Variants in PPP1R12A observed in about 807,000 individuals in gnomAD.
PPP1R12A encodes the protein myosin binding subunit.
A neutral mutation model predicts 139.6 loss-of-function variants in PPP1R12A; 19 were observed. The ratio of observed to expected loss-of-function variants is 0.14; its 90% confidence interval spans 0.09 to 0.20. PPP1R12A has a LOEUF of 0.20. Ranked by LOEUF, PPP1R12A falls within the 10% of genes least tolerant of loss-of-function variation. The pLI is 1.00. For missense variants in PPP1R12A, 925 were observed against 1,211.5 expected (o/e 0.76, Z 3.51); for synonymous variants, 427 against 420.6 (o/e 1.02, Z -0.19).
At chr12:79,858,432 T>C (rs1880935101) in intron 2 of PPP1R12A, among the ~76,000 whole-genome samples, 1 of 152,220 alleles carries the variant, frequency 6.6e-6, no homozygotes. Flanking sequence ...TCTCATTTAA[T>C]CTTCACAATC....
At chr12:79,785,395 T>C (rs141682722) in intron 22 of PPP1R12A, among the ~76,000 whole-genome samples, 1 of 152,316 alleles carries the variant, frequency 6.6e-6, no homozygotes, top group African/African-American at 2.4e-5. Context: ...GTAACAAGTT[T>C]AAGTTCAACA....
chr12:79,818,466 C>T (rs538756745), intron 8 of PPP1R12A, among the ~76,000 whole-genome samples: 1 of 152,166 alleles, frequency 6.6e-6, no homozygotes, highest in Admixed American at 6.5e-5. Context: ...TGGTCTTGAA[C>T]TCGTGAGCTT....
At chr12:79,841,472 T>C (rs1878703637) in intron 3 of PPP1R12A, among the ~76,000 whole-genome samples, 1 of 152,202 alleles carries the variant, frequency 6.6e-6, no homozygotes, top group Non-Finnish European at 1.5e-5. Flanking sequence ...CTTGCTTTTT[T>C]TATTGTTAAC....
Position 79,797,312 on chromosome 12 carries a change from T to C in PPP1R12A, c.2175A>G (p.Glu725=). 1 of 1,595,908 alleles carries C rather than the reference T, an allele frequency of 6.3e-7. No individual in the cohort carries two copies. Among genetic ancestry groups the C allele is most frequent in the Non-Finnish European group, 8.5e-7 (1 of 1,169,908 alleles). ...RSTRTREQEN[E]EKEKEEKEKQ... ...TCTCTTTTTCCTCTTTTTCTTTTTC[T>C]TCATTTTCTTGTTCTCTGGTTCGGG... The change falls in exon 16 of 25, where the codon GAA becomes GAG. Residue 725 remains glutamate (E), a synonymous_variant. Coordinates refer to ENST00000450142, the MANE Select transcript of PPP1R12A (RefSeq NM_002480.3).
chr12:79,884,041 A>G (rs1039387680), intron 1 of PPP1R12A, among the ~76,000 whole-genome samples: 5 of 152,204 alleles, frequency 3.3e-5, no homozygotes, highest in African/African-American at 7.2e-5. Flanking sequence ...TGAGTTTAAC[A>G]TAAGAACAAG....
At chr12:79,777,038 TA>T (rs1290069254) in intron 24 of PPP1R12A, 1 of 428,164 alleles carries the variant, frequency 2.3e-6, no homozygotes, top group Non-Finnish European at 3.1e-6. Flanking sequence ...ATAGTAATAT[TA>T]AGTTTATTCA....
intron 2 of PPP1R12A, among the ~76,000 whole-genome samples, chr12:79,846,576 C>T (rs1879425480): frequency 6.6e-6 from 1 of 151,818 alleles, no homozygotes; most frequent in African/African-American, 2.4e-5. Context: ...ACTACAGGCA[C>T]CCGCCACTGC....
intron 5 of PPP1R12A, among the ~76,000 whole-genome samples, chr12:79,825,989 A>G (rs949498243): frequency 6.6e-5 from 10 of 152,186 alleles, no homozygotes; most frequent in Non-Finnish European, 1.2e-4. Context: ...GTCCTTTAGA[A>G]TGCTATAGAC....
At position 79,824,809 on chromosome 12, in the gene PPP1R12A, A is replaced by G. The variant is rs531697412; in HGVS notation, c.793-2619T>C. 1.3e-5 allele frequency among the ~76,000 whole-genome samples: 2 copies of G among 152,318 alleles called. 1 individual carries two copies. Among genetic ancestry groups the G allele is most frequent in the African/African-American group, 4.8e-5 (2 of 41,578 alleles). ...CAACCAGGCAACAAATGAGGACACA[A>G]TGCTGAGGTATGAGAACATGAAAAC... On this transcript the variant is annotated intron_variant, in intron 5 of 24. Transcript: ENST00000450142.
chr12:79,881,717 GGAA>G (rs1295572995), intron 1 of PPP1R12A, among the ~76,000 whole-genome samples: 1 of 152,194 alleles, frequency 6.6e-6, no homozygotes, highest in East Asian at 1.9e-4. Context: ...ACCTTCTACT[GGAA>G]GAAGATGACA....
chr12:79,832,272 G>C lies in PPP1R12A; in HGVS notation c.647+60C>G, dbSNP rs534753985. ...AACGTTTGCAGGTATTTTAAGAAAA[G>C]GAACAATGAATAAAGAAGACAAACT... On this transcript the variant is annotated intron_variant, in intron 4 of 24. Coordinates refer to ENST00000450142, the MANE Select transcript of PPP1R12A (RefSeq NM_002480.3). The C allele has an allele frequency of 1.1e-5, 16 of 1,443,182 alleles. No homozygotes were observed. The African/African-American group carries it at 2.0e-4, about 18-fold the overall frequency. 89.4% of individuals were successfully genotyped at this position (1,443,182 alleles called of 1,614,324 possible).
At chr12:79,799,413 G>T (rs972840657) in intron 14 of PPP1R12A, among the ~76,000 whole-genome samples, 1 of 152,194 alleles carries the variant, frequency 6.6e-6, no homozygotes, top group Non-Finnish European at 1.5e-5. Flanking sequence ...ACCTCAGAGG[G>T]TGTTGGGATT....
chr12:79,898,380 C>T (rs1015277959), intron 1 of PPP1R12A, among the ~76,000 whole-genome samples: 1 of 152,122 alleles, frequency 6.6e-6, no homozygotes, highest in Non-Finnish European at 1.5e-5. Flanking sequence ...TGCTTGAACC[C>T]GGGACGTGGA....
intron 14 of PPP1R12A, among the ~76,000 whole-genome samples, chr12:79,801,715 T>C (rs1873205398): frequency 6.6e-6 from 1 of 152,152 alleles, no homozygotes; most frequent in African/African-American, 2.4e-5. Flanking sequence ...TTCACCTCCT[T>C]AGACAATTAA....
At chr12:79,780,674 A>G (rs1373795522) in intron 23 of PPP1R12A, 1 of 152,182 alleles carries the variant, frequency 6.6e-6, no homozygotes, top group African/African-American at 2.4e-5. Flanking sequence ...ATAACAGAGA[A>G]CTGATTTTAT....
rs919289155 is a variant in PPP1R12A at position 79,775,593 on chromosome 12, A to G, written c.*336T>C. The stretch of plus-strand genomic sequence containing the variant: ...TATGTACAACTAAGGCTTACTGGTT[A>G]AATATCTGAGGCATATCTGGCCTTG... On this transcript the variant is annotated 3_prime_UTR_variant, in exon 25 of 25. Coordinates refer to ENST00000450142, the MANE Select transcript of PPP1R12A (RefSeq NM_002480.3). 2 of 169,860 alleles carry G rather than the reference A, an allele frequency of 1.2e-5. No individual in the cohort carries two copies. Among genetic ancestry groups the G allele is most frequent in the African/African-American group, 4.8e-5 (2 of 42,102 alleles). The allele number at this position is 169,860 out of a possible 1,614,324, so 10.5% of individuals were successfully genotyped here. A position where few individuals can be genotyped will look rare whatever the true frequency, so the allele number is the denominator to read the frequency against.
intron 3 of PPP1R12A, among the ~76,000 whole-genome samples, chr12:79,836,906 T>C (rs1215795351): frequency 2.0e-5 from 3 of 152,180 alleles, no homozygotes; most frequent in Non-Finnish European, 4.4e-5. Context: ...TCCCTCAGGG[T>C]AGACAATCTA....
At chr12:79,786,316 T>C (rs1358248028) in intron 22 of PPP1R12A, 58 bp downstream of exon 22, 7 of 1,090,566 alleles carry the variant, frequency 6.4e-6, no homozygotes, top group Non-Finnish European at 9.1e-6. Context: ...ATACCATTTT[T>C]AGATGGGATA....
At chr12:79,908,948 C>T (rs943064806) in intron 1 of PPP1R12A, among the ~76,000 whole-genome samples, 2 of 152,182 alleles carry the variant, frequency 1.3e-5, no homozygotes, top group African/African-American at 2.4e-5. Context: ...TTCTGGAACA[C>T]CCCATTGGGG....
Sources: allele counts gnomAD v4.1 joint callset (sites outside exome capture counted in the v4.1 genomes callset), GRCh38; gene constraint gnomAD v4.1.1; transcripts MANE v1.5; gene names NCBI Gene and HGNC (gene_info 2026-07-23, HGNC 2026-07-21).